Variants in HEMK2 observed in about 807,000 individuals in gnomAD.
The protein encoded by HEMK2 is HemK methyltransferase 2, ETF1 glutamine and histone H4 lysine.
the HEMK2 span, among the ~76,000 whole-genome samples, chr21:28,601,631 T>A: frequency 6.6e-6 from 1 of 151,750 alleles, no homozygotes; most frequent in African/African-American, 2.4e-5. Flanking sequence ...TCTCTCTCTC[T>A]CTCTCTCTCT....
the HEMK2 span, among the ~76,000 whole-genome samples, chr21:28,744,732 A>G: frequency 6.6e-6 from 1 of 152,242 alleles, no homozygotes; most frequent in African/African-American, 2.4e-5. Flanking sequence ...CTTCAACCAC[A>G]TAAATGCATT....
the HEMK2 span, among the ~76,000 whole-genome samples, chr21:28,606,489 C>T: frequency 6.6e-6 from 1 of 152,052 alleles, no homozygotes; most frequent in Non-Finnish European, 1.5e-5. Flanking sequence ...TAGAAAATAA[C>T]TTTGGGGTAA....
the HEMK2 span, among the ~76,000 whole-genome samples, chr21:28,667,099 T>G: frequency 6.6e-6 from 1 of 152,166 alleles, no homozygotes; most frequent in Non-Finnish European, 1.5e-5. Context: ...GTAGACTTGT[T>G]ATTAGAAATA....
At chr21:28,651,775 T>C in the HEMK2 span, among the ~76,000 whole-genome samples, 1 of 152,198 alleles carries the variant, frequency 6.6e-6, no homozygotes, top group Non-Finnish European at 1.5e-5. Context: ...AAGTCTGCCA[T>C]GTTATTAACA....
chr21:28,882,333 AATT>A, the HEMK2 span: 16 of 1,027,496 alleles, frequency 1.6e-5, no homozygotes, highest in Non-Finnish European at 2.1e-5. Flanking sequence ...ATGTTCCATT[AATT>A]CTACACAGAA....
At chr21:28,863,435 T>C in the HEMK2 span, among the ~76,000 whole-genome samples, 4 of 77,538 alleles carry the variant, frequency 5.2e-5, no homozygotes, top group African/African-American at 2.5e-4. Flanking sequence ...TATATATATA[T>C]ATATATATAT....
the HEMK2 span, among the ~76,000 whole-genome samples, chr21:28,709,292 T>C: frequency 6.6e-6 from 1 of 152,234 alleles, no homozygotes; most frequent in Non-Finnish European, 1.5e-5. Flanking sequence ...AGAGTTAATA[T>C]GGAGGCAAAT....
the HEMK2 span, among the ~76,000 whole-genome samples, chr21:28,678,574 C>T: frequency 2.6e-5 from 4 of 152,152 alleles, no homozygotes; most frequent in African/African-American, 9.7e-5. Context: ...AGAAGAGCTA[C>T]TCCAAGACAC....
chr21:28,625,072 A>G, the HEMK2 span, among the ~76,000 whole-genome samples: 1 of 152,200 alleles, frequency 6.6e-6, no homozygotes, highest in African/African-American at 2.4e-5. Context: ...CCTTTTACAA[A>G]TTGCTAAGTC....
At chr21:28,607,260 A>C in the HEMK2 span, among the ~76,000 whole-genome samples, 2 of 152,056 alleles carry the variant, frequency 1.3e-5, no homozygotes, top group Non-Finnish European at 2.9e-5. Context: ...AAATACAAAA[A>C]ATTAGCCAGG....
the HEMK2 span, among the ~76,000 whole-genome samples, chr21:28,658,264 A>G: frequency 6.6e-6 from 1 of 152,200 alleles, no homozygotes; most frequent in Admixed American, 6.6e-5. Flanking sequence ...GAATAACTGG[A>G]GCCTCTAGAG....
chr21:28,847,460 T>A, the HEMK2 span, among the ~76,000 whole-genome samples: 1 of 152,210 alleles, frequency 6.6e-6, no homozygotes, highest in African/African-American at 2.4e-5. Flanking sequence ...ATCCACCTTT[T>A]AACAAAGTTA....
At chr21:28,735,913 G>A in the HEMK2 span, among the ~76,000 whole-genome samples, 19 of 152,234 alleles carry the variant, frequency 1.2e-4, no homozygotes, top group African/African-American at 4.3e-4. Flanking sequence ...ACAAGAGTAA[G>A]GGTCATGGTG....
chr21:28,639,863 A>G, the HEMK2 span, among the ~76,000 whole-genome samples: 1 of 152,214 alleles, frequency 6.6e-6, no homozygotes, highest in East Asian at 1.9e-4. Flanking sequence ...TGTGCCAGTA[A>G]TGAGCCAATC....
At chr21:28,755,698 CAACA>C in the HEMK2 span, among the ~76,000 whole-genome samples, 27,068 of 152,000 alleles carry the variant, frequency 0.18, 2,816 homozygotes, top group African/African-American at 0.28. Context: ...CATAGCCATT[CAACA>C]AACAGTTACT....
At chr21:28,762,747 A>G in the HEMK2 span, among the ~76,000 whole-genome samples, 2 of 151,966 alleles carry the variant, frequency 1.3e-5, no homozygotes, top group Non-Finnish European at 1.5e-5. Flanking sequence ...TTCCCCTTCT[A>G]CCATGTTATG....
the HEMK2 span, among the ~76,000 whole-genome samples, chr21:28,831,618 AGAAGGAAAGAAGGAAG>A: frequency 2.4e-5 from 2 of 84,352 alleles, no homozygotes; most frequent in African/African-American, 7.6e-5. Context: ...AAAGAAGGAA[AGAAGGAAAGAAGGAAG>A]GAAAGAAAGA....
At chr21:28,704,511 T>C in the HEMK2 span, among the ~76,000 whole-genome samples, 1 of 150,264 alleles carries the variant, frequency 6.7e-6, no homozygotes, top group Non-Finnish European at 1.5e-5. Flanking sequence ...TTTTACTAAA[T>C]ATTTTCTTCA....
At chr21:28,773,235 C>G in the HEMK2 span, among the ~76,000 whole-genome samples, 1 of 152,120 alleles carries the variant, frequency 6.6e-6, no homozygotes, top group African/African-American at 2.4e-5. Flanking sequence ...GAATAATGCA[C>G]TGAATATTTG....
Sources: gnomAD v4.1 joint callset for allele counts (sites outside exome capture counted in the v4.1 genomes callset) on GRCh38, gnomAD v4.1.1 for gene constraint, MANE v1.5 for transcripts, NCBI Gene and HGNC (gene_info 2026-07-23, HGNC 2026-07-21) for gene names.